The following RAET1L variants were observed in gnomAD, a reference collection of about 807,000 sequenced individuals.
RAET1L encodes UL16-binding protein 6.
Under a neutral mutation model 23.9 loss-of-function variants are expected in RAET1L, and 16 were observed. The ratio of observed to expected loss-of-function variants is 0.67; its 90% CI spans 0.45 to 1.02. RAET1L has a LOEUF of 1.02. Ranked by LOEUF, RAET1L falls within the 50% of genes least tolerant of loss-of-function variation. RAET1L has a pLI of 0.00. For missense variants in RAET1L, 233 were observed against 304.0 expected (o/e 0.77, Z 1.74); for synonymous variants, 70 against 111.2 (o/e 0.63, Z 2.33).
At chr6:150,019,811 C>T (rs1779864238) in intron 4 of RAET1L, among the ~76,000 whole-genome samples, 1 of 126,770 alleles carries the variant, frequency 7.9e-6, no homozygotes, top group African/African-American at 2.8e-5. Context: ...GGAACCTGCT[C>T]TGAATCAGGC....
rs117766916 is a variant in RAET1L, at chr6:150,025,393, G to C, written c.79C>G (p.Arg27Gly). The change falls in exon 1 of 5, where the codon CGA becomes GGA. Residue 27 changes from arginine to glycine, a missense_variant. Arg to Gly is a moderately radical substitution (Grantham distance 125). This residue lies in a region of RAET1L where 42 missense variants were observed against 35.0 expected (regional missense o/e 1.20). Coordinates refer to ENST00000367341, the MANE Select transcript of RAET1L (RefSeq NM_130900.3). ...FLLFGWSRAR[R>G]DDPHSLCYDI... ...GCTCCATCCACCAGCTCACCGTCTC[G>C]CCTAGCCCGGGACCAGCCGAACAGC... 2,010 of 1,613,144 alleles carry C rather than the reference G, an allele frequency of 1.2e-3. 37 individuals are homozygous for C. In the East Asian group the frequency reaches 0.039, roughly 32 times the overall value.
At chr6:150,019,183 A>C (rs976686672) in intron 4 of RAET1L, among the ~76,000 whole-genome samples, 3 of 152,206 alleles carry the variant, frequency 2.0e-5, no homozygotes, top group African/African-American at 7.2e-5. Context: ...GGGGTGGGAC[A>C]GACTTCCAAA....
intron 4 of RAET1L, 70 bp from the exon 5 acceptor site, chr6:150,018,925 C>T: frequency 3.7e-6 from 1 of 272,108 alleles, no homozygotes; most frequent in Non-Finnish European, 7.2e-6. Context: ...GTAATCTTTC[C>T]CTAGTCACTC....
chr6:150,023,682 T>C (rs35184257), intron 1 of RAET1L, among the ~76,000 whole-genome samples: 72 of 152,182 alleles, frequency 4.7e-4, no homozygotes, highest in African/African-American at 8.0e-4. Context: ...CCCCCTAAGA[T>C]CCTAGAGGTA....
At chr6:150,023,831 T>C (rs1250729345) in intron 1 of RAET1L, among the ~76,000 whole-genome samples, 1 of 152,120 alleles carries the variant, frequency 6.6e-6, no homozygotes, top group Non-Finnish European at 1.5e-5. Flanking sequence ...TTGGCAGAGA[T>C]GGGGCCTTTT....
chr6:150,023,609 C>G (rs1779912165), intron 1 of RAET1L, among the ~76,000 whole-genome samples: 2 of 152,198 alleles, frequency 1.3e-5, no homozygotes, highest in Non-Finnish European at 2.9e-5. Context: ...TCAAAAGCAG[C>G]CATAGACAAT....
chr6:150,024,464 A>T (rs1779923371), intron 1 of RAET1L, among the ~76,000 whole-genome samples: 1 of 152,084 alleles, frequency 6.6e-6, no homozygotes, highest in Admixed American at 6.5e-5. Flanking sequence ...TGCAAAGATC[A>T]CAGGGCATCC....
chr6:150,024,975 G>T (rs1333788740), intron 1 of RAET1L, among the ~76,000 whole-genome samples: 2 of 152,216 alleles, frequency 1.3e-5, no homozygotes, highest in East Asian at 3.9e-4. Flanking sequence ...AGCAGAGCAG[G>T]CTTGTGGCTG....
rs368345938 is a variant in RAET1L, at chr6:150,020,297, C to T, written c.632-58G>A. 444 of 1,414,766 alleles carry T rather than the reference C, an allele frequency of 3.1e-4. 2 individuals are homozygous for T. The East Asian group carries it at 9.1e-3, about 29-fold the overall frequency. 87.6% of individuals were successfully genotyped at this position (1,414,766 alleles called of 1,614,324 possible). A position where few individuals can be genotyped will look rare whatever the true frequency, so the allele number is the denominator to read the frequency against. On this transcript the variant is annotated intron_variant, in intron 3 of 4. Transcript: ENST00000367341. ...TCCAGGCCCCAAATCTGAGGAGACA[C>T]CTCCTCAGTTCCTGCCACCCTAGGT...
Position 150,018,804 on chromosome 6 carries a change from G to A in RAET1L, c.*74C>T, listed in dbSNP as rs1381461617. The A allele has an allele frequency of 1.3e-5, 4 of 301,108 alleles. No individual in the cohort carries two copies. Among genetic ancestry groups the A allele is most frequent in the African/African-American group, 2.3e-5 (1 of 44,048 alleles). 18.7% of individuals were successfully genotyped at this position (301,108 alleles called of 1,614,324 possible). ...GGTGGGCAGCTGGCCAGACAGAAGG[G>A]CGAGGTTGATCAAGACCGTGCTCAC... On this transcript the variant is annotated 3_prime_UTR_variant, in exon 5 of 5. Coordinates refer to ENST00000367341, the MANE Select transcript of RAET1L (RefSeq NM_130900.3).
intron 4 of RAET1L, among the ~76,000 whole-genome samples, 186 bp from the exon 5 acceptor site, chr6:150,019,041 G>A (rs1429928847): frequency 6.6e-6 from 1 of 152,192 alleles, no homozygotes; most frequent in Non-Finnish European, 1.5e-5. Context: ...ACATCACAGA[G>A]TCAGCCCAGG....
rs932999210 is a variant in RAET1L, at chr6:150,025,062, C to A, written c.85+325G>T. 2.6e-5 allele frequency among the ~76,000 whole-genome samples: 4 copies of A among 152,068 alleles called. No individual in the cohort carries two copies. In the East Asian group the frequency reaches 7.7e-4, roughly 29 times the overall value. Reference sequence around the variant, plus strand: ...GACCCCAGCTCTGTTCCCGGGGGGGCTCTGGTTTCTCCTTCCGAAAGGCGG... The same window carrying A: ...GACCCCAGCTCTGTTCCCGGGGGGGATCTGGTTTCTCCTTCCGAAAGGCGG... On this transcript the variant is annotated intron_variant, in intron 1 of 4. Coordinates refer to ENST00000367341, the MANE Select transcript of RAET1L (RefSeq NM_130900.3).
chr6:150,025,245 C>T (rs1775873853), intron 1 of RAET1L, 142 bp downstream of exon 1: 1 of 655,330 alleles, frequency 1.5e-6, no homozygotes, highest in Admixed American at 2.9e-5. Context: ...GGAAGGAGCC[C>T]AGGAGGGGAA....
chr6:150,019,257 C>T (rs556634608), intron 4 of RAET1L, among the ~76,000 whole-genome samples: 1 of 152,330 alleles, frequency 6.6e-6, no homozygotes, highest in African/African-American at 2.4e-5. Context: ...ATCCTTCTTT[C>T]CCCTTCTTCT....
At chr6:150,020,691 C>G (rs1169856635) in intron 3 of RAET1L, among the ~76,000 whole-genome samples, 1 of 152,032 alleles carries the variant, frequency 6.6e-6, no homozygotes, top group Non-Finnish European at 1.5e-5. Flanking sequence ...GGAGCAGAAG[C>G]AAGTGCAGTG....
intron 2 of RAET1L, among the ~76,000 whole-genome samples, 155 bp from the exon 3 acceptor site, chr6:150,021,341 T>A (rs1465711012): frequency 1.5e-4 from 22 of 150,832 alleles, no homozygotes; most frequent in African/African-American, 4.7e-4. Flanking sequence ...TTGTATTTTT[T>A]TTTTTTTTTT....
At chr6:150,019,263 C>A (rs1046075261) in intron 4 of RAET1L, among the ~76,000 whole-genome samples, 1 of 152,200 alleles carries the variant, frequency 6.6e-6, no homozygotes, top group Non-Finnish European at 1.5e-5. Flanking sequence ...CTTTCCCCTT[C>A]TTCTTGAGCA....
At chr6:150,025,345 G>A (rs772479390) in intron 1 of RAET1L, 42 bp downstream of exon 1, 64 of 1,561,588 alleles carry the variant, frequency 4.1e-5, no homozygotes, top group Non-Finnish European at 5.4e-5. Context: ...CAGTCCCTCA[G>A]GTTTGGCCCC....
rs372021419 is a variant in RAET1L, at chr6:150,020,959, A to T, written c.577T>A (p.Trp193Arg). 5 of 1,614,078 alleles carry T rather than the reference A, an allele frequency of 3.1e-6. No homozygotes were observed. The highest frequency in any genetic ancestry group is 4.2e-6 in the Non-Finnish European group (5 of 1,180,056). ...ATGCCCATCAAGAAGTCCTCAAGCC[A>T]TCCTATGCAGTCTCCCATTGAGATG... ...HYISMGDCIG[W>R]LEDFLMGMDS... The change falls in exon 3 of 5, where the codon TGG becomes AGG. Residue 193 changes from tryptophan (W) to arginine (R), a missense_variant. Transcript: ENST00000367341.
Sources: gnomAD v4.1 joint callset for allele counts (sites outside exome capture counted in the v4.1 genomes callset) on GRCh38, gnomAD v4.1.1 for gene constraint, gnomAD v4.1.1 regional missense constraint, MANE v1.5 for transcripts, NCBI Gene and HGNC (gene_info 2026-07-23, HGNC 2026-07-21) for gene names.